MBD5: variants seen among roughly 807,000 people sequenced by gnomAD.
The protein encoded by MBD5 is methyl-CpG binding domain protein 5, also known as methyl-CpG-binding domain protein 5.
A neutral mutation model predicts 117.3 loss-of-function variants in MBD5; 13 were observed. The ratio of observed to expected loss-of-function variants is 0.11; its 90% confidence interval spans 0.07 to 0.18. The LOEUF is 0.18. MBD5 is among the 10% of genes least tolerant of loss of function. The pLI is 1.00. For synonymous variants in MBD5, 727 were observed against 766.4 expected (o/e 0.95, Z 0.85); for missense variants, 1,879 against 2,093.8 (o/e 0.90, Z 2.00).
Position 148,483,866 on chromosome 2 carries a change from G to T in MBD5, c.3275G>T (p.Gly1092Val). Residue 1092 changes from glycine (G) to valine (V), a missense_variant, in exon 9 of 14, where the codon GGT (glycine) becomes GTT (valine). Around this residue, in one of 4 missense-constraint regions of MBD5, gnomAD observed 1,666 missense variants for 1,792.2 expected, o/e 0.93. Coordinates refer to ENST00000642680, the MANE Select transcript of MBD5 (RefSeq NM_001378120.1). ...LMTLNPQLLGGVLNSASANTA... is the reference protein window; with the variant it reads ...LMTLNPQLLGVVLNSASANTA... ...ACCTTGAATCCCCAGCTGTTGGGAGGTGTCCTGAACTCGGCATCGGCCAAC... is the reference window on the plus strand; with the variant it reads ...ACCTTGAATCCCCAGCTGTTGGGAGTTGTCCTGAACTCGGCATCGGCCAAC... 1 of 1,550,576 alleles carries T rather than the reference G, an allele frequency of 6.4e-7. No individual in the cohort carries two copies. The highest frequency in any genetic ancestry group is 1.2e-5 in the South Asian group (1 of 84,066).
chr2:148,044,832 A>G (rs1324341173), intron 1 of MBD5: 1 of 152,134 alleles, frequency 6.6e-6, no homozygotes, highest in Non-Finnish European at 1.5e-5. Context: ...GGTCATCCAA[A>G]TTTATGTAAA....
intron 4 of MBD5, among the ~76,000 whole-genome samples, chr2:148,388,803 A>G (rs1018666093): frequency 2.0e-5 from 3 of 152,090 alleles, no homozygotes; most frequent in African/African-American, 7.2e-5. Flanking sequence ...TTGGAACCAC[A>G]CCATTATGAC....
intron 4 of MBD5, among the ~76,000 whole-genome samples, chr2:148,443,261 G>A (rs1051433114): frequency 1.4e-5 from 2 of 147,954 alleles, no homozygotes; most frequent in African/African-American, 2.7e-5. Context: ...GTGATGATAT[G>A]GAGAAAAGGG....
intron 3 of MBD5, among the ~76,000 whole-genome samples, chr2:148,340,658 A>T (rs568685918): frequency 6.6e-6 from 1 of 152,244 alleles, no homozygotes; most frequent in South Asian, 2.1e-4. Flanking sequence ...GGAGTTGATA[A>T]AATCAAGTTT....
intron 3 of MBD5, among the ~76,000 whole-genome samples, chr2:148,326,210 A>G (rs1445356222): frequency 2.0e-5 from 3 of 152,204 alleles, no homozygotes; most frequent in Non-Finnish European, 4.4e-5. Context: ...ATAGTTTGTT[A>G]TAATTTCTGT....
At chr2:148,278,733 G>A (rs942870731) in intron 3 of MBD5, among the ~76,000 whole-genome samples, 8 of 152,190 alleles carry the variant, frequency 5.3e-5, no homozygotes, top group Non-Finnish European at 8.8e-5. Context: ...TATGGAGGCA[G>A]AGAAATCCCA....
chr2:148,467,925 A>G (rs1680608131), intron 7 of MBD5, among the ~76,000 whole-genome samples: 1 of 152,180 alleles, frequency 6.6e-6, no homozygotes, highest in Non-Finnish European at 1.5e-5. Context: ...TTCTATTGTA[A>G]CTGCATTCTT....
At chr2:148,084,376 A>G (rs187095192) in intron 1 of MBD5, among the ~76,000 whole-genome samples, 11 of 152,376 alleles carry the variant, frequency 7.2e-5, no homozygotes, top group African/African-American at 2.6e-4. Flanking sequence ...TGATTGACAA[A>G]ATAAAACAAT....
chr2:148,336,588 T>C (rs1023288637), intron 3 of MBD5, among the ~76,000 whole-genome samples: 3 of 152,138 alleles, frequency 2.0e-5, no homozygotes, highest in Admixed American at 2.0e-4. Flanking sequence ...GGTTTTGCCA[T>C]GTCACCTAGG....
chr2:148,265,467 A>C (rs1700834098), intron 3 of MBD5, among the ~76,000 whole-genome samples: 1 of 152,186 alleles, frequency 6.6e-6, no homozygotes, highest in African/African-American at 2.4e-5. Flanking sequence ...GATGTATCAT[A>C]ATTTGTTCAA....
At chr2:148,160,628 G>A (rs549506857) in intron 1 of MBD5, among the ~76,000 whole-genome samples, 21 of 152,252 alleles carry the variant, frequency 1.4e-4, no homozygotes, top group African/African-American at 5.1e-4. Flanking sequence ...TCAAGGGATA[G>A]GATATACTGT....
At position 148,469,175 on chromosome 2, in the gene MBD5, C is replaced by T. The variant is rs535000990; in HGVS notation, c.1232C>T (p.Thr411Ile). The change falls in exon 8 of 14, where the codon ACT becomes ATT. Residue 411 changes from threonine to isoleucine, a missense_variant. By Grantham distance (89) the Thr-to-Ile change is moderately conservative (BLOSUM62 -1). Transcript: ENST00000642680. ...TTGCCAAGTAATCTCCCATTGCCAA[C>T]TGTAAAACCTGGTCACATGAATCAT... is the stretch of plus-strand genomic sequence containing the variant. ...VPLPSNLPLP[T>I]VKPGHMNHGS... 1.3e-4 allele frequency: 205 copies of T among 1,614,064 alleles called. 3 individuals are homozygous for T. The South Asian group carries it at 2.1e-3, about 17-fold the overall frequency.
At position 148,253,180 on chromosome 2, in the gene MBD5, T is replaced by C. The variant is rs186230413; in HGVS notation, c.-680+19785T>C. On this transcript the variant is annotated intron_variant, in intron 3 of 13. Transcript: ENST00000642680. ...AAGCAGAGGGAACTCTACTAGGAGA[T>C]TGTAACACCATCATCTTCACTACAG... 3.7e-4 allele frequency among the ~76,000 whole-genome samples: 57 copies of C among 152,268 alleles called. No homozygotes were observed. The East Asian group carries it at 9.9e-3, about 26-fold the overall frequency.
intron 3 of MBD5, among the ~76,000 whole-genome samples, chr2:148,265,337 C>A (rs996736645): frequency 3.9e-5 from 6 of 152,126 alleles, no homozygotes; most frequent in Non-Finnish European, 8.8e-5. Context: ...TAGAAATGAA[C>A]TCTTTAGCCA....
At chr2:148,173,033 G>A (rs1041602432) in intron 1 of MBD5, among the ~76,000 whole-genome samples, 8 of 152,220 alleles carry the variant, frequency 5.3e-5, no homozygotes, top group Non-Finnish European at 1.2e-4. Context: ...CCAGTTGTTC[G>A]CGTACCTCAT....
At chr2:148,033,049 A>G (rs1164605196) in intron 1 of MBD5, among the ~76,000 whole-genome samples, 1 of 152,186 alleles carries the variant, frequency 6.6e-6, no homozygotes, top group Non-Finnish European at 1.5e-5. Context: ...GGTGAGGGAC[A>G]CATTCAGCTG....
chr2:148,340,912 T>G (rs1702929806), intron 3 of MBD5, among the ~76,000 whole-genome samples: 1 of 151,330 alleles, frequency 6.6e-6, no homozygotes, highest in Non-Finnish European at 1.5e-5. Context: ...TTTAAGTGCT[T>G]TGTGAATGTT....
At chr2:148,328,549 C>G (rs960597651) in intron 3 of MBD5, among the ~76,000 whole-genome samples, 1 of 152,228 alleles carries the variant, frequency 6.6e-6, no homozygotes, top group African/African-American at 2.4e-5. Flanking sequence ...CCTGGTGCAC[C>G]GCTTTTTAAG....
intron 1 of MBD5, among the ~76,000 whole-genome samples, chr2:148,144,532 T>G (rs1697400951): frequency 6.6e-6 from 1 of 152,228 alleles, no homozygotes; most frequent in African/African-American, 2.4e-5. Context: ...CATGCCTATG[T>G]CCTGAATGGT....
Sources: allele counts gnomAD v4.1 joint callset (sites outside exome capture counted in the v4.1 genomes callset), GRCh38; gene constraint gnomAD v4.1.1; regional missense constraint gnomAD v4.1.1; transcripts MANE v1.5; gene names NCBI Gene and HGNC (gene_info 2026-07-23, HGNC 2026-07-21).